Variants in FBLN1 observed in about 807,000 individuals in gnomAD.
FBLN1 encodes fibulin-1.
Under a neutral mutation model 89.7 loss-of-function variants are expected in FBLN1, and 34 were observed. The observed-to-expected ratio is 0.38, with a 90% CI of 0.29 to 0.50. FBLN1 has a LOEUF of 0.50. FBLN1 is among the 20% of genes least tolerant of loss of function. FBLN1 has a pLI of 0.92. For missense variants in FBLN1, 777 were observed against 988.1 expected, an observed-to-expected ratio of 0.79 and a Z score of 2.86; for synonymous variants, 393 against 391.3, an observed-to-expected ratio of 1.00 and a Z score of -0.05.
At position 45,577,397 on chromosome 22, in the gene FBLN1, G is replaced by A. The variant is rs745794738; in HGVS notation, c.1972+289G>A. ...ATAACATGGGTGGGTTCCAGAGAGC[G>A]CTGCGCCTCACAACCATGAATTTCA... is the stretch of plus-strand genomic sequence containing the variant. On this transcript the variant is annotated intron_variant, in intron 16 of 16. Coordinates refer to ENST00000327858, the MANE Select transcript of FBLN1 (RefSeq NM_006486.3). The surrounding 1 kb of genome is among the most constrained non-coding windows in gnomAD (Gnocchi z 6.6). 2.0e-5 allele frequency among the ~76,000 whole-genome samples: 3 copies of A among 152,212 alleles called. No homozygotes were observed. The highest frequency in any genetic ancestry group is 4.4e-5 in the Non-Finnish European group (3 of 68,036).
chr22:45,551,027 G>T (rs920921686), intron 14 of FBLN1: 1 of 306,434 alleles, frequency 3.3e-6, no homozygotes, highest in Admixed American at 4.3e-5. Flanking sequence ...CCAGGGAGCC[G>T]ATGTGACCTG....
chr22:45,528,321 C>A lies in FBLN1; in HGVS notation c.484+312C>A, dbSNP rs570548975. 3.3e-5 allele frequency among the ~76,000 whole-genome samples: 5 copies of A among 152,226 alleles called. No individual in the cohort carries two copies. The South Asian group carries it at 8.3e-4, about 25-fold the overall frequency. On this transcript the variant is annotated intron_variant, in intron 4 of 16. Transcript: ENST00000327858. ...TATGAAGATGATCTGCTTTTCTCAG[C>A]ATCAACAGACTTACATGTTAATCTC...
At chr22:45,522,249 A>G (rs1224685109) in intron 2 of FBLN1, among the ~76,000 whole-genome samples, 1 of 152,212 alleles carries the variant, frequency 6.6e-6, no homozygotes, top group Non-Finnish European at 1.5e-5. Flanking sequence ...GCCTCCCAAC[A>G]TGCTGAGATT....
Position 45,576,945 on chromosome 22 carries a change from G to A in FBLN1, c.1841-32G>A. On this transcript the variant is annotated intron_variant, in intron 15 of 16. Transcript: ENST00000327858. The surrounding 1 kb of genome is among the most constrained non-coding windows in gnomAD (Gnocchi z 5.2). ...GGGACTGGGGCTGGGGCCAGGCTGT[G>A]CTGAGCCCTTCTCCATTCTGTGCCT... 6.2e-7 allele frequency: 1 copy of A among 1,612,520 alleles called. No homozygotes were observed.
At chr22:45,504,652 C>T (rs192463640) in intron 1 of FBLN1, among the ~76,000 whole-genome samples, 1 of 152,110 alleles carries the variant, frequency 6.6e-6, no homozygotes, top group Admixed American at 6.5e-5. Flanking sequence ...TCCCTGGCCC[C>T]GGAGTCTCTG....
chr22:45,525,585 G>C lies in FBLN1; in HGVS notation c.228G>C (p.Leu76=). 6.5e-7 allele frequency: 1 copy of C among 1,550,176 alleles called. No homozygotes were observed. The highest frequency in any genetic ancestry group is 2.4e-5 in the East Asian group (1 of 40,912). Residue 76 remains leucine (L), a synonymous_variant, in exon 3 of 17, where the codon CTG becomes CTC. Coordinates refer to ENST00000327858, the MANE Select transcript of FBLN1 (RefSeq NM_006486.3). Reference sequence around the variant, plus strand: ...GCTGCCACAGCCAGCTGGAGGAGCTGCACTGTGCCACGGGCATCAGCCTGG... The same window carrying C: ...GCTGCCACAGCCAGCTGGAGGAGCTCCACTGTGCCACGGGCATCAGCCTGG... ...EQCCHSQLEE[L]HCATGISLAN... is the part of the protein sequence containing the mutation.
intron 2 of FBLN1, among the ~76,000 whole-genome samples, chr22:45,523,605 G>A (rs2088280647): frequency 6.6e-6 from 1 of 152,188 alleles, no homozygotes. Context: ...CGGTGAGGCT[G>A]AGGCAGGAGA....
At chr22:45,541,789 T>A (rs1172164596) in intron 9 of FBLN1, among the ~76,000 whole-genome samples, 1 of 152,038 alleles carries the variant, frequency 6.6e-6, no homozygotes, top group African/African-American at 2.4e-5. Flanking sequence ...CTCACGTCAT[T>A]CCCTCTGCCC....
rs2088500593 is a variant in FBLN1, at chr22:45,537,709, T to TA, written c.922+2373dup. ...GAAACCCGCCCCAGCCTTCCTCTGTTACAGCTTCCCTGTCATCCCCTGGGG... is the reference window on the plus strand; with the variant it reads ...GAAACCCGCCCCAGCCTTCCTCTGTTAACAGCTTCCCTGTCATCCCCTGGGG... On this transcript the variant is annotated intron_variant, in intron 8 of 16. Coordinates refer to ENST00000327858, the MANE Select transcript of FBLN1 (RefSeq NM_006486.3). The surrounding 1 kb of genome is among the most constrained non-coding windows in gnomAD (Gnocchi z 5.7). Among the ~76,000 whole-genome samples the TA allele has an allele frequency of 6.6e-6, 1 of 152,098 alleles. No individual in the cohort carries two copies. The highest frequency in any genetic ancestry group is 1.5e-5 in the Non-Finnish European group (1 of 68,016).
chr22:45,548,436 C>T (rs1178521120), intron 12 of FBLN1, among the ~76,000 whole-genome samples, 177 bp from the exon 13 acceptor site: 1 of 152,322 alleles, frequency 6.6e-6, no homozygotes, highest in South Asian at 2.1e-4. Context: ...GCTGTGTGAC[C>T]CTAGGCTAGT....
chr22:45,577,073 ACAT>A lies in FBLN1; in HGVS notation c.1943_1945del (p.Ile648del). ...GAAGGGAACCTGCGGGACTCTTTTG[ACAT>A]CATCAAGCGTTACATGGACGGCATG... On this transcript the variant is annotated inframe_deletion, in exon 16 of 17. Coordinates refer to ENST00000327858, the MANE Select transcript of FBLN1 (RefSeq NM_006486.3). This position sits in a 1 kb window ranked among gnomAD's most constrained non-coding sequence, Gnocchi z 6.6. 6.2e-7 allele frequency: 1 copy of A among 1,614,094 alleles called. No individual in the cohort carries two copies. The highest frequency in any genetic ancestry group is 1.1e-5 in the South Asian group (1 of 91,082).
At chr22:45,553,380 C>T (rs1225333985) in intron 14 of FBLN1, among the ~76,000 whole-genome samples, 4 of 152,044 alleles carry the variant, frequency 2.6e-5, no homozygotes, top group Admixed American at 6.6e-5. Context: ...CCAGGGCCTG[C>T]GTGGCAGGGG....
At chr22:45,591,760 G>T (rs2089138253) in intron 16 of FBLN1, among the ~76,000 whole-genome samples, 4 of 152,018 alleles carry the variant, frequency 2.6e-5, no homozygotes, top group African/African-American at 9.7e-5. Context: ...ACTCAGCTAA[G>T]GGCAGTACAG....
At chr22:45,573,550 ATG>A (rs2088967824) in intron 14 of FBLN1, among the ~76,000 whole-genome samples, 6 of 150,136 alleles carry the variant, frequency 4.0e-5, no homozygotes, top group South Asian at 4.3e-4. Flanking sequence ...GCATGGTGGC[ATG>A]CGCCTGTAAT....
chr22:45,538,935 A>T (rs1415422334), intron 8 of FBLN1, among the ~76,000 whole-genome samples: 1 of 151,982 alleles, frequency 6.6e-6, no homozygotes, highest in Non-Finnish European at 1.5e-5. Flanking sequence ...CTCTGCCCCT[A>T]TCATGCATGG....
At position 45,576,278 on chromosome 22, in the gene FBLN1, C is replaced by T. The variant is rs1043162224; in HGVS notation, c.1841-699C>T. Among the ~76,000 whole-genome samples the T allele has an allele frequency of 2.0e-5, 3 of 152,178 alleles. No homozygotes were observed. Among genetic ancestry groups the T allele is most frequent in the Admixed American group, 6.5e-5 (1 of 15,288 alleles). Reference sequence around the variant, plus strand: ...CCAGTGGCTGGTTTTGTGGCCTCTCCGGCCAGCCCCGATCTGAGTGTTGGT... The same window carrying T: ...CCAGTGGCTGGTTTTGTGGCCTCTCTGGCCAGCCCCGATCTGAGTGTTGGT... On this transcript the variant is annotated intron_variant, in intron 15 of 16. Coordinates refer to ENST00000327858, the MANE Select transcript of FBLN1 (RefSeq NM_006486.3). The surrounding 1 kb of genome is among the most constrained non-coding windows in gnomAD (Gnocchi z 5.2).
chr22:45,577,412 C>G lies in FBLN1; in HGVS notation c.1972+304C>G, dbSNP rs186496832. Among the ~76,000 whole-genome samples the G allele has an allele frequency of 1.1e-4, 17 of 152,362 alleles. No individual in the cohort carries two copies. In the East Asian group the frequency reaches 3.1e-3, roughly 28 times the overall value. ...TCCAGAGAGCGCTGCGCCTCACAAC[C>G]ATGAATTTCAAATGATACCACCCAA... On this transcript the variant is annotated intron_variant, in intron 16 of 16. Coordinates refer to ENST00000327858, the MANE Select transcript of FBLN1 (RefSeq NM_006486.3). This position sits in a 1 kb window ranked among gnomAD's most constrained non-coding sequence, Gnocchi z 6.6.
At chr22:45,533,676 C>G in intron 6 of FBLN1, 85 bp from the exon 7 acceptor site, 1 of 1,526,660 alleles carries the variant, frequency 6.6e-7, no homozygotes, top group Non-Finnish European at 9.0e-7. Flanking sequence ...GCACTTCCAC[C>G]GTGGCTTTGG....
chr22:45,506,368 T>G (rs984837519), intron 1 of FBLN1, among the ~76,000 whole-genome samples: 6 of 152,246 alleles, frequency 3.9e-5, no homozygotes, highest in Non-Finnish European at 7.3e-5. Flanking sequence ...AAAGGTGGTG[T>G]TCTTAGCCAT....
Sources: allele counts gnomAD v4.1 joint callset (sites outside exome capture counted in the v4.1 genomes callset), GRCh38; gene constraint gnomAD v4.1.1; non-coding constraint Gnocchi (gnomAD v3.1); transcripts MANE v1.5; gene names NCBI Gene and HGNC (gene_info 2026-07-23, HGNC 2026-07-21).